The following TCP11L2 variants were observed in gnomAD, a reference collection of about 807,000 sequenced individuals.
TCP11L2 encodes t-complex 11 like 2.
TCP11L2 carries 39 observed loss-of-function variants against 50.7 expected under a neutral mutation model. The ratio of observed to expected loss-of-function variants is 0.77; its 90% CI spans 0.60 to 1.01. The LOEUF (loss-of-function observed/expected upper bound fraction) is 1.01, where lower values mean the gene tolerates loss of function less well. TCP11L2 is among the 50% of genes least tolerant of loss of function. The pLI is 0.00. For synonymous variants in TCP11L2, 192 were observed against 219.3 expected, an observed-to-expected ratio of 0.88 and a Z score of 1.10; for missense variants, 612 against 614.7, an observed-to-expected ratio of 1.00 and a Z score of 0.05.
At chr12:106,309,185 C>T (rs528850871) in intron 1 of TCP11L2, among the ~76,000 whole-genome samples, 1 of 152,192 alleles carries the variant, frequency 6.6e-6, no homozygotes, top group Non-Finnish European at 1.5e-5. Flanking sequence ...GGTTTGGTGG[C>T]AGTGAAAGGT....
upstream of TCP11L2, chr12:106,301,905 GAAGT>G (rs1211025040): frequency 6.6e-6 from 1 of 152,272 alleles, no homozygotes; most frequent in Non-Finnish European, 1.5e-5. Flanking sequence ...AACCCTAGAG[GAAGT>G]AAGACGCTTT....
intron 3 of TCP11L2, among the ~76,000 whole-genome samples, chr12:106,318,043 G>T (rs980504100): frequency 5.3e-5 from 8 of 151,970 alleles, no homozygotes; most frequent in Non-Finnish European, 1.0e-4. Context: ...TATATAGAAG[G>T]GTAGCTACAT....
intron 1 of TCP11L2, among the ~76,000 whole-genome samples, chr12:106,304,929 C>T (rs1016610403): frequency 6.6e-6 from 1 of 152,250 alleles, no homozygotes; most frequent in Non-Finnish European, 1.5e-5. Flanking sequence ...CAGTGATGCC[C>T]TTCACAGAAT....
chr12:106,318,801 C>T (rs1428949473), intron 4 of TCP11L2, among the ~76,000 whole-genome samples: 1 of 152,234 alleles, frequency 6.6e-6, no homozygotes, highest in Non-Finnish European at 1.5e-5. Flanking sequence ...ACCTCTGCCT[C>T]CCGGGTTCAA....
Position 106,311,080 on chromosome 12 carries a change from C to T in TCP11L2, c.5C>T (p.Pro2Leu). 1 of 1,613,996 alleles carries T rather than the reference C, an allele frequency of 6.2e-7. No individual in the cohort carries two copies. ...CCCACACTTAAGTGACGCAAAATGCCCTTCAATGGCGAGAAGCAGTGTGTG... is the reference window on the plus strand; with the variant it reads ...CCCACACTTAAGTGACGCAAAATGCTCTTCAATGGCGAGAAGCAGTGTGTG... Reference protein sequence around the residue: MPFNGEKQCVGE... With the variant: MLFNGEKQCVGE... The change falls in exon 2 of 10, where the codon CCC becomes CTC. Residue 2 changes from proline to leucine, a missense_variant. By Grantham distance (98) the Pro-to-Leu change is moderately conservative (BLOSUM62 -3). Transcript: ENST00000299045.
intron 2 of TCP11L2, among the ~76,000 whole-genome samples, chr12:106,312,885 A>G (rs2034915369): frequency 6.6e-6 from 1 of 151,486 alleles, no homozygotes; most frequent in Non-Finnish European, 1.5e-5. Flanking sequence ...CTGTCTTGGG[A>G]AAAAAAAATA....
chr12:106,318,273 T>G (rs1188666122), intron 3 of TCP11L2, 71 bp from the exon 4 acceptor site: 1 of 1,515,116 alleles, frequency 6.6e-7, no homozygotes, highest in Non-Finnish European at 9.0e-7. Flanking sequence ...ATTTCTACAA[T>G]GAGGATGTTT....
rs770835972 is a variant in TCP11L2, at chr12:106,340,915, C to T, written c.1232C>T (p.Thr411Ile). The T allele has an allele frequency of 1.9e-6, 3 of 1,613,546 alleles. No individual in the cohort carries two copies. Among genetic ancestry groups the T allele is most frequent in the Non-Finnish European group, 2.5e-6 (3 of 1,179,772 alleles). Residue 411 changes from threonine to isoleucine, a missense_variant, in exon 9 of 10, where the codon ACT (threonine) becomes ATT (isoleucine). By Grantham distance (89) the Thr-to-Ile change is moderately conservative (BLOSUM62 -1). Transcript: ENST00000299045. ...NKTLMERGLP[T>I]LNAEIQANLI... ...ACCCTGATGGAAAGAGGTTTACCCA[C>T]TTTAAATGCTGAGATTCAAGCTAAT...
intron 3 of TCP11L2, 83 bp downstream of exon 3, chr12:106,314,576 T>TGTGTGTGTGAGAGAGAGA (rs1469308055): frequency 4.0e-6 from 1 of 252,998 alleles, no homozygotes; most frequent in African/African-American, 4.1e-5. Context: ...TGTGTGTGTG[T>TGTGTGTGTGAGAGAGAGA]GAGAGAGAGA....
At chr12:106,309,571 C>T (rs2034768815) in intron 1 of TCP11L2, among the ~76,000 whole-genome samples, 1 of 151,958 alleles carries the variant, frequency 6.6e-6, no homozygotes, top group African/African-American at 2.4e-5. Flanking sequence ...TCCCCATCAC[C>T]ATCCAAGGAA....
chr12:106,300,155 C>G (rs1432853577), upstream of TCP11L2, among the ~76,000 whole-genome samples: 3 of 151,224 alleles, frequency 2.0e-5, no homozygotes, highest in African/African-American at 7.3e-5. Flanking sequence ...AAAGAGGTTG[C>G]CTTTTCAGAT....
intron 6 of TCP11L2, chr12:106,329,630 T>TG: frequency 7.7e-7 from 1 of 1,303,346 alleles, no homozygotes. Context: ...CCCCAGGTGA[T>TG]TCTAAAGTCA....
At chr12:106,299,449 T>C (rs553774234), upstream of TCP11L2, among the ~76,000 whole-genome samples, 3 of 152,264 alleles carry the variant, frequency 2.0e-5, no homozygotes, top group Admixed American at 6.5e-5. Flanking sequence ...AGTTACATAA[T>C]TTGCCAGGTC....
At chr12:106,298,080 G>A (rs2034374662), upstream of TCP11L2, among the ~76,000 whole-genome samples, 1 of 152,168 alleles carries the variant, frequency 6.6e-6, no homozygotes, top group Non-Finnish European at 1.5e-5. Context: ...GAAGGTACAG[G>A]CAATTGAAAT....
Position 106,346,548 on chromosome 12 carries a change from A to C in TCP11L2, c.*18A>C, listed in dbSNP as rs766135788. 25 of 1,601,470 alleles carry C rather than the reference A, an allele frequency of 1.6e-5. 1 individual carries two copies. In the Admixed American group the frequency reaches 4.3e-4, roughly 27 times the overall value. ...CTAACTAAAGAAGAACTGACATTGG[A>C]CGAGAGATTGGAAATCCAGTACTTT... is the stretch of plus-strand genomic sequence containing the variant. On this transcript the variant is annotated 3_prime_UTR_variant, in exon 10 of 10. Coordinates refer to ENST00000299045, the MANE Select transcript of TCP11L2 (RefSeq NM_152772.3).
chr12:106,321,100 G>A (rs923391786), intron 4 of TCP11L2, among the ~76,000 whole-genome samples: 14 of 152,038 alleles, frequency 9.2e-5, no homozygotes, highest in Admixed American at 3.3e-4. Flanking sequence ...AAACTTAACC[G>A]TTGTTTATAT....
chr12:106,339,429 G>C (rs1185909459), intron 8 of TCP11L2, among the ~76,000 whole-genome samples: 1 of 152,136 alleles, frequency 6.6e-6, no homozygotes, highest in Non-Finnish European at 1.5e-5. Context: ...TCTATAGGCT[G>C]TTTACTCTGT....
intron 9 of TCP11L2, 21 bp downstream of exon 9, chr12:106,341,019 C>T: frequency 6.3e-7 from 1 of 1,580,936 alleles, no homozygotes; most frequent in Non-Finnish European, 8.6e-7. Context: ...TTATTGATTT[C>T]TGCTTCAATT....
chr12:106,334,410 AG>A (rs1203100380), intron 6 of TCP11L2, among the ~76,000 whole-genome samples: 4 of 152,222 alleles, frequency 2.6e-5, no homozygotes, highest in African/African-American at 9.6e-5. Flanking sequence ...CAAATCTGGG[AG>A]TCATCCTAGA....
Sources: allele counts gnomAD v4.1 joint callset (sites outside exome capture counted in the v4.1 genomes callset), GRCh38; gene constraint gnomAD v4.1.1; transcripts MANE v1.5; gene names NCBI Gene and HGNC (gene_info 2026-07-23, HGNC 2026-07-21).